Variants in ADGRL4 observed in about 807,000 individuals in gnomAD.
ADGRL4 encodes adhesion G protein-coupled receptor L4.
In ADGRL4, 90 loss-of-function variants were observed where a neutral mutation model predicts 74.8. The ratio of observed to expected loss-of-function variants is 1.20; its 90% CI spans 1.02 to 1.43. The LOEUF is 1.43. Ranked by LOEUF, ADGRL4 falls within the 40% of genes most tolerant of loss-of-function variation. The pLI, the probability that ADGRL4 is intolerant of heterozygous loss-of-function variation, is 0.00. For missense variants in ADGRL4, 881 were observed against 814.3 expected (o/e 1.08, Z -1.00); for synonymous variants, 311 against 279.2 (o/e 1.11, Z -1.14).
intron 2 of ADGRL4, among the ~76,000 whole-genome samples, chr1:78,968,675 G>A (rs1000350607): frequency 1.2e-4 from 18 of 152,258 alleles, no homozygotes; most frequent in Middle Eastern, 3.4e-3. Flanking sequence ...TGAGGAGCCC[G>A]GGTTGCTAGC....
chr1:79,006,548 G>T, intron 1 of ADGRL4, 85 bp downstream of exon 1: 1 of 1,466,710 alleles, frequency 6.8e-7, no homozygotes, highest in Non-Finnish European at 9.2e-7. Flanking sequence ...CTTGCCATGT[G>T]AGCTCCACCT....
In ADGRL4 at chr1:78,987,941, T is replaced by C. The variant is rs1022996030; in HGVS notation, c.172+17129A>G. ...CTAATCATACCATAATTTTTAGATT[T>C]ATAGTAAAGTAATATTTATTGCATC... On this transcript the variant is annotated intron_variant, in intron 2 of 14. Transcript: ENST00000370742. Among the ~76,000 whole-genome samples, 4 of 151,860 alleles carry C rather than the reference T, an allele frequency of 2.6e-5. No individual in the cohort carries two copies. In the South Asian group the frequency reaches 8.3e-4, roughly 31 times the overall value.
intron 2 of ADGRL4, among the ~76,000 whole-genome samples, chr1:79,001,166 G>A (rs554166065): frequency 0.033 from 349 of 10,432 alleles, 2 homozygotes; most frequent in Non-Finnish European, 0.084. Context: ...AAGGAAGGAA[G>A]GAAGGGAGAG....
At chr1:78,964,913 A>AT (rs1333528965) in intron 2 of ADGRL4, among the ~76,000 whole-genome samples, 1 of 152,108 alleles carries the variant, frequency 6.6e-6, no homozygotes, top group African/African-American at 2.4e-5. Context: ...ACTCAATTCT[A>AT]TTTTGTGTCT....
intron 2 of ADGRL4, among the ~76,000 whole-genome samples, chr1:78,980,005 C>G (rs1602049): frequency 0.47 from 71,183 of 151,654 alleles, 17,063 homozygotes; most frequent in Middle Eastern, 0.54. Context: ...TCCACGGAAT[C>G]AGAAAACATC....
chr1:78,910,838 CATAG>C (rs757109466), intron 12 of ADGRL4, among the ~76,000 whole-genome samples: 5 of 151,702 alleles, frequency 3.3e-5, no homozygotes, highest in East Asian at 3.9e-4. Context: ...TGTAGTGATT[CATAG>C]ATAGAATCAA....
At chr1:78,955,480 C>G (rs1433679282) in intron 2 of ADGRL4, among the ~76,000 whole-genome samples, 2 of 151,856 alleles carry the variant, frequency 1.3e-5, no homozygotes, top group Non-Finnish European at 2.9e-5. Flanking sequence ...TGTTTATGAT[C>G]TTGTATCGCA....
chr1:78,984,829 C>T (rs1453067352), intron 2 of ADGRL4, among the ~76,000 whole-genome samples: 2 of 151,534 alleles, frequency 1.3e-5, no homozygotes, highest in Non-Finnish European at 3.0e-5. Context: ...TCAACATAAA[C>T]GGAGAGTAAA....
chr1:78,936,272 C>A (rs1649350138), intron 7 of ADGRL4, 23 bp downstream of exon 7: 3 of 1,576,802 alleles, frequency 1.9e-6, no homozygotes, highest in African/African-American at 2.8e-5. Context: ...GATATATTGT[C>A]TGTTAGATTG....
chr1:78,940,801 C>T (rs1287529939), intron 3 of ADGRL4, among the ~76,000 whole-genome samples: 1 of 152,030 alleles, frequency 6.6e-6, no homozygotes, highest in Non-Finnish European at 1.5e-5. Context: ...ATCTTAAATG[C>T]AGGTGTTCGT....
chr1:78,962,741 GA>G (rs991415700), intron 2 of ADGRL4, among the ~76,000 whole-genome samples: 3 of 151,850 alleles, frequency 2.0e-5, no homozygotes, highest in African/African-American at 7.3e-5. Context: ...TAACTTCAGT[GA>G]TTTTTTTTTT....
At chr1:78,955,192 A>T (rs1649804303) in intron 2 of ADGRL4, among the ~76,000 whole-genome samples, 1 of 152,102 alleles carries the variant, frequency 6.6e-6, no homozygotes. Flanking sequence ...AATATTACTG[A>T]GTACAGAACC....
intron 2 of ADGRL4, among the ~76,000 whole-genome samples, chr1:78,968,121 G>C (rs1570261410): frequency 1.3e-5 from 2 of 152,036 alleles, no homozygotes; most frequent in African/African-American, 4.8e-5. Context: ...AATTATATGG[G>C]ATTTCTAAGA....
At chr1:78,982,379 C>T (rs1650413282) in intron 2 of ADGRL4, among the ~76,000 whole-genome samples, 1 of 151,808 alleles carries the variant, frequency 6.6e-6, no homozygotes, top group South Asian at 2.1e-4. Context: ...ACTGTAAGTA[C>T]AAGAAACCCA....
At chr1:78,896,259 C>T (rs1648396810) in intron 12 of ADGRL4, among the ~76,000 whole-genome samples, 1 of 152,106 alleles carries the variant, frequency 6.6e-6, no homozygotes, top group Non-Finnish European at 1.5e-5. Flanking sequence ...ATTTGATCTA[C>T]TAATTCATTA....
chr1:78,964,717 T>A (rs1226933887), intron 2 of ADGRL4, among the ~76,000 whole-genome samples: 2 of 152,162 alleles, frequency 1.3e-5, no homozygotes, highest in Non-Finnish European at 2.9e-5. Flanking sequence ...GTCCTTATAC[T>A]CCTTATCTTC....
intron 3 of ADGRL4, among the ~76,000 whole-genome samples, chr1:78,945,339 C>G (rs762079828): frequency 2.6e-5 from 4 of 151,768 alleles, no homozygotes; most frequent in Non-Finnish European, 5.9e-5. Context: ...AGTCCCATGT[C>G]TAACCTTGGC....
intron 12 of ADGRL4, among the ~76,000 whole-genome samples, chr1:78,904,369 A>G (rs1186799000): frequency 6.6e-6 from 1 of 152,074 alleles, no homozygotes; most frequent in African/African-American, 2.4e-5. Context: ...TCATTTAAAA[A>G]AATGAAATGC....
Position 78,893,083 on chromosome 1 carries a change from TAAA to T in ADGRL4, c.1841+12_1841+14del. The T allele has an allele frequency of 7.2e-7, 1 of 1,388,690 alleles. No homozygotes were observed. The highest frequency in any genetic ancestry group is 1.4e-5 in the South Asian group (1 of 70,170). The allele number at this position is 1,388,690 out of a possible 1,614,324, so 86.0% of individuals were successfully genotyped here. A position where few individuals can be genotyped will look rare whatever the true frequency, so the allele number is the denominator to read the frequency against. On this transcript the variant is annotated intron_variant, in intron 13 of 14. Transcript: ENST00000370742. ...CAAAAAAAAAAAAAAAAAGTGAACT[TAAA>T]GACGCATTTACCTTATGTTCTCAAA...
Sources: allele counts gnomAD v4.1 joint callset (sites outside exome capture counted in the v4.1 genomes callset), GRCh38; gene constraint gnomAD v4.1.1; transcripts MANE v1.5; gene names NCBI Gene and HGNC (gene_info 2026-07-23, HGNC 2026-07-21).